CFAP20DC: variants seen among roughly 807,000 people sequenced by gnomAD.
The protein encoded by CFAP20DC is protein CFAP20DC.
Under a neutral mutation model 101.7 loss-of-function variants are expected in CFAP20DC, and 84 were observed. The ratio of observed to expected loss-of-function variants is 0.83; its 90% CI spans 0.69 to 0.99. CFAP20DC has a LOEUF of 0.99. CFAP20DC is among the 50% of genes least tolerant of loss of function. The probability of loss-of-function intolerance (pLI) is 0.00; values close to 1 mark genes in which losing one functional copy is unlikely to be tolerated. For missense variants in CFAP20DC, 1,007 were observed against 970.3 expected (o/e 1.04, Z -0.50); for synonymous variants, 359 against 351.2 (o/e 1.02, Z -0.25).
intron 3 of CFAP20DC, among the ~76,000 whole-genome samples, chr3:58,720,535 G>A (rs567826944): frequency 1.9e-4 from 29 of 152,262 alleles, no homozygotes; most frequent in South Asian, 6.2e-4. Flanking sequence ...TGGAACAGGC[G>A]GAAGAAATAT....
At position 58,894,847 on chromosome 3, in the gene CFAP20DC, C is replaced by G. The variant is rs1387978485; in HGVS notation, c.551-10138G>C. 6.6e-6 allele frequency among the ~76,000 whole-genome samples: 1 copy of G among 152,242 alleles called. No individual in the cohort carries two copies. Among genetic ancestry groups the G allele is most frequent in the Non-Finnish European group, 1.5e-5 (1 of 68,048 alleles). On this transcript the variant is annotated intron_variant, in intron 6 of 16. Coordinates refer to ENST00000482387, the MANE Select transcript of CFAP20DC (RefSeq NM_001394063.1). This position sits in a 1 kb window ranked among gnomAD's most constrained non-coding sequence, Gnocchi z 4.1. ...GGCGTTTCCATATGTCCTCTGAAAT[C>G]AAGGTGGAGGTTCCCAAACCTCAAT...
At chr3:59,035,864 G>T (rs2094091764) in intron 4 of CFAP20DC, among the ~76,000 whole-genome samples, 1 of 152,150 alleles carries the variant, frequency 6.6e-6, no homozygotes, top group Non-Finnish European at 1.5e-5. Context: ...GCATCATCCT[G>T]ATACCAAAAC....
chr3:58,866,522 AT>A, intron 11 of CFAP20DC, 43 bp downstream of exon 11: 2 of 1,479,870 alleles, frequency 1.4e-6, no homozygotes, highest in Non-Finnish European at 1.8e-6. Context: ...CCATATTTAC[AT>A]TTTATTCATT....
At chr3:58,749,186 T>C (rs1457005733) in intron 16 of CFAP20DC, among the ~76,000 whole-genome samples, 1 of 152,170 alleles carries the variant, frequency 6.6e-6, no homozygotes, top group Non-Finnish European at 1.5e-5. Context: ...TCATCAAATA[T>C]TTATGGGGCA....
chr3:58,816,586 C>G lies in CFAP20DC; in HGVS notation c.2176-10130G>C, dbSNP rs538931267. Among the ~76,000 whole-genome samples, 3 of 152,166 alleles carry G rather than the reference C, an allele frequency of 2.0e-5. No homozygotes were observed. In the East Asian group the frequency reaches 5.8e-4, roughly 30 times the overall value. On this transcript the variant is annotated intron_variant, in intron 14 of 16. Coordinates refer to ENST00000482387, the MANE Select transcript of CFAP20DC (RefSeq NM_001394063.1). ...CCGAATATTGCACTTTTCAGACCGGCTTAAAAAACGGTGAACCACGAGATT... is the reference window on the plus strand; with the variant it reads ...CCGAATATTGCACTTTTCAGACCGGGTTAAAAAACGGTGAACCACGAGATT...
At chr3:58,888,216 G>A (rs576258267) in intron 6 of CFAP20DC, among the ~76,000 whole-genome samples, 36 of 152,286 alleles carry the variant, frequency 2.4e-4, no homozygotes, top group African/African-American at 8.4e-4. Flanking sequence ...TTCACAGAAA[G>A]CATGGTCCAG....
At chr3:58,848,080 G>C (rs1329566423) in intron 13 of CFAP20DC, among the ~76,000 whole-genome samples, 1 of 143,904 alleles carries the variant, frequency 6.9e-6, no homozygotes, top group African/African-American at 2.6e-5. Context: ...TGACGAGTTA[G>C]TGGGTGCAGT....
At chr3:58,816,279 G>A (rs531811876) in intron 14 of CFAP20DC, among the ~76,000 whole-genome samples, 164 of 152,154 alleles carry the variant, frequency 1.1e-3, no homozygotes, top group African/African-American at 3.7e-3. Context: ...CAAACACCGC[G>A]GGGAGGAGCC....
chr3:58,931,948 G>T (rs1056679620), intron 5 of CFAP20DC, among the ~76,000 whole-genome samples: 5 of 152,210 alleles, frequency 3.3e-5, no homozygotes, highest in African/African-American at 4.8e-5. Context: ...AGTTGAGGAA[G>T]AAGGCTTCAG....
At chr3:59,035,608 A>T (rs746520070) in intron 4 of CFAP20DC, among the ~76,000 whole-genome samples, 2 of 152,208 alleles carry the variant, frequency 1.3e-5, no homozygotes, top group African/African-American at 2.4e-5. Context: ...GAAATGGATA[A>T]ATTCCTGGAC....
At chr3:58,840,423 T>C (rs987456694) in intron 13 of CFAP20DC, among the ~76,000 whole-genome samples, 2 of 152,136 alleles carry the variant, frequency 1.3e-5, no homozygotes, top group African/African-American at 4.8e-5. Context: ...GTGAACAAGG[T>C]AGACACACAG....
intron 14 of CFAP20DC, among the ~76,000 whole-genome samples, chr3:58,819,863 C>T (rs1377158502): frequency 6.7e-6 from 1 of 148,910 alleles, no homozygotes; most frequent in African/African-American, 2.5e-5. Context: ...AGACCAATAT[C>T]CTTGATGAAC....
intron 13 of CFAP20DC, among the ~76,000 whole-genome samples, chr3:58,834,592 C>A (rs1268462417): frequency 6.6e-6 from 1 of 152,068 alleles, no homozygotes; most frequent in African/African-American, 2.4e-5. Context: ...AAAATCTAAG[C>A]CTGGGCCTTC....
rs900048924 is a variant in CFAP20DC at position 59,014,897 on chromosome 3, G to C, written c.278+24660C>G. On this transcript the variant is annotated intron_variant, in intron 4 of 16. Coordinates refer to ENST00000482387, the MANE Select transcript of CFAP20DC (RefSeq NM_001394063.1). This position sits in a 1 kb window ranked among gnomAD's most constrained non-coding sequence, Gnocchi z 4.9. ...CCCAGCTCCACATTCAGTGATGTCAGATTGGTAGCTTGAAAGCAGCCATGG... is the reference window on the plus strand; with the variant it reads ...CCCAGCTCCACATTCAGTGATGTCACATTGGTAGCTTGAAAGCAGCCATGG... Among the ~76,000 whole-genome samples the C allele has an allele frequency of 2.0e-5, 3 of 152,128 alleles. No homozygotes were observed. Among genetic ancestry groups the C allele is most frequent in the Non-Finnish European group, 4.4e-5 (3 of 68,020 alleles).
At chr3:59,046,386 T>G in intron 2 of CFAP20DC, 64 bp from the exon 3 acceptor site, 1 of 1,043,000 alleles carries the variant, frequency 9.6e-7, no homozygotes, top group Non-Finnish European at 1.4e-6. Flanking sequence ...ACTATAAAAT[T>G]GAAACTTCAG....
At chr3:58,736,532 C>T (rs1179819737) in intron 3 of CFAP20DC, among the ~76,000 whole-genome samples, 1 of 152,102 alleles carries the variant, frequency 6.6e-6, no homozygotes, top group Non-Finnish European at 1.5e-5. Context: ...GAGTTTTTCC[C>T]TCCTGGAATT....
intron 4 of CFAP20DC, among the ~76,000 whole-genome samples, chr3:59,022,361 A>G (rs2093818207): frequency 6.6e-6 from 1 of 152,066 alleles, no homozygotes. Context: ...AAAAAAAAAC[A>G]GGGAATTGGA....
intron 3 of CFAP20DC, among the ~76,000 whole-genome samples, chr3:58,730,018 C>CAAAAAA (rs769033730): frequency 1.9e-4 from 10 of 53,496 alleles, no homozygotes; most frequent in African/African-American, 6.1e-4. Flanking sequence ...AACCTGTCTC[C>CAAAAAA]AAAAAAAAAA....
chr3:58,791,142 T>G (rs567456012), intron 15 of CFAP20DC, among the ~76,000 whole-genome samples: 14 of 152,192 alleles, frequency 9.2e-5, no homozygotes, highest in African/African-American at 3.4e-4. Flanking sequence ...GGTTAAATCA[T>G]CTCCCTGATC....
Sources: allele counts gnomAD v4.1 joint callset (sites outside exome capture counted in the v4.1 genomes callset), GRCh38; gene constraint gnomAD v4.1.1; non-coding constraint Gnocchi (gnomAD v3.1); transcripts MANE v1.5; gene names NCBI Gene and HGNC (gene_info 2026-07-23, HGNC 2026-07-21).